Variants in WASHC4 observed in about 807,000 individuals in gnomAD.
The protein encoded by WASHC4 is WASH complex subunit 7.
A neutral mutation model predicts 166.6 loss-of-function variants in WASHC4; 86 were observed. The ratio of observed to expected loss-of-function variants is 0.52; its 90% CI spans 0.43 to 0.62. The LOEUF (loss-of-function observed/expected upper bound fraction) is 0.62, where lower values mean the gene tolerates loss of function less well. Among genes scored for constraint, WASHC4 ranks in the 20% least tolerant of loss-of-function variants. WASHC4 has a pLI of 0.00. For synonymous variants in WASHC4, 446 were observed against 451.6 expected (o/e 0.99, Z 0.16); for missense variants, 1,262 against 1,382.4 (o/e 0.91, Z 1.38).
chr12:105,139,425 G>GTGTGTGTATGTATATATATATATATATA, intron 15 of WASHC4, among the ~76,000 whole-genome samples: 1 of 103,188 alleles, frequency 9.7e-6, no homozygotes, highest in African/African-American at 3.6e-5. Flanking sequence ...ATGTGTGTGT[G>GTGTGTGTATGTATATATATATATATATA]TATATATATA....
intron 29 of WASHC4, among the ~76,000 whole-genome samples, chr12:105,160,583 C>G (rs2135840050): frequency 6.6e-6 from 1 of 152,286 alleles, no homozygotes; most frequent in Non-Finnish European, 1.5e-5. Context: ...AACTCCTGGG[C>G]TCAAGCAGTC....
At chr12:105,107,929 C>G (rs1300855960) in intron 1 of WASHC4, 68 bp downstream of exon 1, 2 of 1,220,056 alleles carry the variant, frequency 1.6e-6, no homozygotes, top group Non-Finnish European at 2.4e-6. Context: ...CTGGGCTGGG[C>G]AGCGCTCCTG....
Position 105,126,061 on chromosome 12 carries a change from A to G in WASHC4, c.844A>G (p.Ser282Gly). The part of the protein sequence containing the change: ...LNGGVSVSKN[S>G]TFAEEFAHSI... Reference sequence around the variant, plus strand: ...TGGAGGAGTATCTGTGTCAAAAAATAGTACTTTTGCTGAGGAATTTGCACA... The same window carrying G: ...TGGAGGAGTATCTGTGTCAAAAAATGGTACTTTTGCTGAGGAATTTGCACA... The change falls in exon 11 of 33, where the codon AGT (serine) becomes GGT (glycine). Residue 282 changes from serine to glycine, a missense_variant. Coordinates refer to ENST00000332180, the MANE Select transcript of WASHC4 (RefSeq NM_015275.3). The G allele has an allele frequency of 6.2e-7, 1 of 1,612,782 alleles. No homozygotes were observed. The highest frequency in any genetic ancestry group is 8.5e-7 in the Non-Finnish European group (1 of 1,179,116).
chr12:105,133,840 C>A lies in WASHC4; in HGVS notation c.1270C>A (p.Gln424Lys). 1.9e-6 allele frequency: 3 copies of A among 1,611,000 alleles called. No homozygotes were observed. Among genetic ancestry groups the A allele is most frequent in the Non-Finnish European group, 2.5e-6 (3 of 1,177,532 alleles). The change falls in exon 14 of 33, where the codon CAG (glutamine) becomes AAG (lysine). Residue 424 changes from glutamine to lysine, a missense_variant. Physicochemically the swap from Gln to Lys is moderately conservative, Grantham distance 53. Coordinates refer to ENST00000332180, the MANE Select transcript of WASHC4 (RefSeq NM_015275.3). ...MKMESILSKE[Q>K]RMDKFAEDLT... is the part of the protein sequence containing the mutation. ...AATGGAATCTATTTTGTCTAAAGAG[C>A]AGAGAATGGATAAATTTGCTGAAGA...
At position 105,166,998 on chromosome 12, in the gene WASHC4, G is replaced by A. The variant is rs1884849653; in HGVS notation, c.*67G>A. 4 of 1,026,830 alleles carry A rather than the reference G, an allele frequency of 3.9e-6. No homozygotes were observed. The highest frequency in any genetic ancestry group is 4.6e-6 in the Non-Finnish European group (3 of 655,454). 63.6% of individuals were successfully genotyped at this position (1,026,830 alleles called of 1,614,324 possible). ...TTGTTAAAACTTTTGCCAGTGGAAT[G>A]GATAAACTATTGATGAATTGTTTCC... On this transcript the variant is annotated 3_prime_UTR_variant, in exon 33 of 33. Coordinates refer to ENST00000332180, the MANE Select transcript of WASHC4 (RefSeq NM_015275.3).
intron 14 of WASHC4, among the ~76,000 whole-genome samples, chr12:105,135,897 C>T (rs1324845982): frequency 6.6e-6 from 1 of 152,006 alleles, no homozygotes; most frequent in Admixed American, 6.6e-5. Context: ...ACATCTCTTA[C>T]CTTTTATATA....
intron 31 of WASHC4, 29 bp downstream of exon 31, chr12:105,164,336 C>G: frequency 1.3e-6 from 2 of 1,569,694 alleles, no homozygotes; most frequent in Non-Finnish European, 1.8e-6. Context: ...GTCACATCTG[C>G]TTTGACTTAC....
In WASHC4 at chr12:105,114,360, A is replaced by G. The variant is rs1879971206; in HGVS notation, c.256-2A>G. 6.3e-7 allele frequency: 1 copy of G among 1,599,762 alleles called. No individual in the cohort carries two copies. Among genetic ancestry groups the G allele is most frequent in the Non-Finnish European group, 8.5e-7 (1 of 1,171,168 alleles). ...TTATTTTGTTTTTACTCATGAAACT[A>G]GGTCTTAAACAAAGTCATCACTGTT... On this transcript the variant is annotated splice_acceptor_variant, in intron 3 of 32. Coordinates refer to ENST00000332180, the MANE Select transcript of WASHC4 (RefSeq NM_015275.3). LOFTEE classifies it high-confidence loss of function.
chr12:105,126,012 A>G lies in WASHC4; in HGVS notation c.795A>G (p.Ile265Met). The part of the protein sequence containing the change: ...LLDGMIFQAC[I>M]EQQFDSLNGG... ...CAATGTTTCCTGTCTAGGCCTGTAT[A>G]GAACAACAATTTGATTCTCTCAATG... The change falls in exon 11 of 33, where the codon ATA (isoleucine) becomes ATG (methionine). Residue 265 changes from isoleucine (I) to methionine (M), a missense_variant. By Grantham distance (10) the Ile-to-Met change is conservative. Coordinates refer to ENST00000332180, the MANE Select transcript of WASHC4 (RefSeq NM_015275.3). 6.2e-7 allele frequency: 1 copy of G among 1,612,504 alleles called. No homozygotes were observed. Among genetic ancestry groups the G allele is most frequent in the Non-Finnish European group, 8.5e-7 (1 of 1,178,880 alleles).
At chr12:105,111,696 T>C (rs2135718546) in intron 2 of WASHC4, among the ~76,000 whole-genome samples, 1 of 152,352 alleles carries the variant, frequency 6.6e-6, no homozygotes, top group East Asian at 1.9e-4. Context: ...AAAAGTTCTC[T>C]CATGCTATAT....
intron 24 of WASHC4, chr12:105,148,746 A>T: frequency 3.0e-6 from 3 of 985,414 alleles, no homozygotes; most frequent in Non-Finnish European, 3.6e-6. Flanking sequence ...CAAAATCATT[A>T]GTAATACTTG....
intron 13 of WASHC4, among the ~76,000 whole-genome samples, chr12:105,127,492 A>G (rs1881395134): frequency 6.6e-6 from 1 of 152,182 alleles, no homozygotes; most frequent in Non-Finnish European, 1.5e-5. Context: ...TAAGATGTAG[A>G]CAGATTATAC....
chr12:105,124,616 G>A (rs1881100234), intron 10 of WASHC4, among the ~76,000 whole-genome samples: 1 of 152,020 alleles, frequency 6.6e-6, no homozygotes, highest in South Asian at 2.1e-4. Context: ...GAGTAGCTGG[G>A]ATTACAGGCG....
At position 105,107,797 on chromosome 12, in the gene WASHC4, G is replaced by A. The variant is rs778078862; in HGVS notation, c.-4G>A. ...GGGCTGTGTCTGTGGGAGGCGCCGGGGTGATGGCGGTGGAGACTCTGTCCC... is the reference window on the plus strand; with the variant it reads ...GGGCTGTGTCTGTGGGAGGCGCCGGAGTGATGGCGGTGGAGACTCTGTCCC... On this transcript the variant is annotated 5_prime_UTR_variant, in exon 1 of 33. Transcript: ENST00000332180. 4 of 1,550,314 alleles carry A rather than the reference G, an allele frequency of 2.6e-6. No individual in the cohort carries two copies. In the South Asian group the frequency reaches 3.6e-5, roughly 14 times the overall value.
intron 4 of WASHC4, 84 bp from the exon 5 acceptor site, chr12:105,115,100 A>T: frequency 1.4e-6 from 1 of 701,178 alleles, no homozygotes; most frequent in East Asian, 2.7e-5. Context: ...TCTGTTTATT[A>T]CTAAGTATAC....
At chr12:105,130,041 A>G (rs1881657486) in intron 13 of WASHC4, among the ~76,000 whole-genome samples, 1 of 152,216 alleles carries the variant, frequency 6.6e-6, no homozygotes, top group South Asian at 2.1e-4. Flanking sequence ...TGAGGTAGAT[A>G]CTTTTGTTGC....
chr12:105,135,013 G>A (rs188758399), intron 14 of WASHC4, among the ~76,000 whole-genome samples: 2 of 151,430 alleles, frequency 1.3e-5, no homozygotes, highest in Admixed American at 6.6e-5. Flanking sequence ...AAGATGTATC[G>A]TTTGCTCATT....
chr12:105,164,577 A>T, intron 31 of WASHC4, 64 bp from the exon 32 acceptor site: 1 of 1,123,380 alleles, frequency 8.9e-7, no homozygotes, highest in Non-Finnish European at 1.3e-6. Context: ...AAATGCATAT[A>T]TTTTTGGTAT....
intron 13 of WASHC4, among the ~76,000 whole-genome samples, chr12:105,130,636 G>A (rs1881710971): frequency 6.6e-6 from 1 of 152,186 alleles, no homozygotes. Context: ...TCTAAGAGGT[G>A]TCCCAAGGTC....
Sources: allele counts gnomAD v4.1 joint callset (sites outside exome capture counted in the v4.1 genomes callset), GRCh38; gene constraint gnomAD v4.1.1; transcripts MANE v1.5; gene names NCBI Gene and HGNC (gene_info 2026-07-23, HGNC 2026-07-21).